NKAIN3: variants seen among roughly 807,000 people sequenced by gnomAD.
NKAIN3 encodes sodium/potassium-transporting ATPase subunit beta-1-interacting protein 3.
NKAIN3 carries 25 observed loss-of-function variants against 30.2 expected under a neutral mutation model. The observed-to-expected ratio is 0.83, with a 90% CI of 0.60 to 1.16. NKAIN3 has a LOEUF of 1.16. Ranked by LOEUF, NKAIN3 falls within the 50% of genes most tolerant of loss-of-function variation. The pLI, the probability that NKAIN3 is intolerant of heterozygous loss-of-function variation, is 0.00. For synonymous variants in NKAIN3, 91 were observed against 89.6 expected, an observed-to-expected ratio of 1.02 and a Z score of -0.09; for missense variants, 225 against 254.1, an observed-to-expected ratio of 0.89 and a Z score of 0.78.
intron 4 of NKAIN3, among the ~76,000 whole-genome samples, chr8:62,761,722 G>C (rs1260437826): frequency 6.6e-6 from 1 of 152,168 alleles, no homozygotes; most frequent in Non-Finnish European, 1.5e-5. Flanking sequence ...TCTTCTATTA[G>C]AATATTGTCA....
At chr8:62,989,718 T>C (rs569698816), downstream of NKAIN3, among the ~76,000 whole-genome samples, 1 of 152,224 alleles carries the variant, frequency 6.6e-6, no homozygotes, top group African/African-American at 2.4e-5. Flanking sequence ...AAAAGAAAAA[T>C]ATGTATATAT....
chr8:62,898,842 G>T (rs56040503), intron 4 of NKAIN3, among the ~76,000 whole-genome samples: 117,278 of 151,588 alleles, frequency 0.77, 46,222 homozygotes, highest in East Asian at 0.98. Flanking sequence ...CTGTCAAGGG[G>T]TACTAACTAG....
At chr8:62,570,376 A>C (rs187140005) in intron 1 of NKAIN3, among the ~76,000 whole-genome samples, 2 of 152,302 alleles carry the variant, frequency 1.3e-5, no homozygotes, top group African/African-American at 4.8e-5. Context: ...ATATGGGTGT[A>C]TTAATCCGTT....
At chr8:62,394,288 T>A (rs1394660792) in intron 1 of NKAIN3, among the ~76,000 whole-genome samples, 1 of 152,154 alleles carries the variant, frequency 6.6e-6, no homozygotes, top group Non-Finnish European at 1.5e-5. Flanking sequence ...TTGTTAAATG[T>A]TTTTTCTTCC....
intron 1 of NKAIN3, among the ~76,000 whole-genome samples, chr8:62,449,745 T>C (rs1805585689): frequency 6.6e-6 from 1 of 152,120 alleles, no homozygotes; most frequent in African/African-American, 2.4e-5. Flanking sequence ...TACTTGTTGA[T>C]GAGTTTTTGT....
intron 1 of NKAIN3, among the ~76,000 whole-genome samples, chr8:62,447,782 G>A (rs568302679): frequency 2.2e-4 from 34 of 151,940 alleles, no homozygotes; most frequent in Admixed American, 1.2e-3. Flanking sequence ...AAAGTCTAGG[G>A]GGACACTGAT....
chr8:62,929,613 T>C (rs923686622), intron 5 of NKAIN3, among the ~76,000 whole-genome samples: 1 of 152,218 alleles, frequency 6.6e-6, no homozygotes, highest in Admixed American at 6.5e-5. Context: ...TTGTACATTT[T>C]CATGAGGGAG....
intron 1 of NKAIN3, among the ~76,000 whole-genome samples, chr8:62,575,644 C>G (rs1474630216): frequency 6.6e-6 from 1 of 151,950 alleles, no homozygotes; most frequent in Non-Finnish European, 1.5e-5. Context: ...CACAAAACAC[C>G]CAGAATATCC....
In NKAIN3 at chr8:62,976,939, T is replaced by C. The variant is rs1773752392; in HGVS notation, c.*11532T>C. Among the ~76,000 whole-genome samples, 2 of 152,338 alleles carry C rather than the reference T, an allele frequency of 1.3e-5. No homozygotes were observed. Among genetic ancestry groups the C allele is most frequent in the South Asian group, 4.1e-4 (2 of 4,832 alleles). On this transcript the variant is annotated 3_prime_UTR_variant, in exon 7 of 7. Coordinates refer to ENST00000623646, the MANE Select transcript of NKAIN3 (RefSeq NM_001304533.3). Reference sequence around the variant, plus strand: ...AAGGATTTTATTTCTCCTTCACTTGTGAAGCTCAGTTTGGCTGGATATGAA... The same window carrying C: ...AAGGATTTTATTTCTCCTTCACTTGCGAAGCTCAGTTTGGCTGGATATGAA...
intron 1 of NKAIN3, among the ~76,000 whole-genome samples, chr8:62,360,260 G>A (rs1816509224): frequency 6.6e-6 from 1 of 152,170 alleles, no homozygotes; most frequent in African/African-American, 2.4e-5. Flanking sequence ...TACTGATTGA[G>A]ACTCCTAAGA....
chr8:62,624,879 A>T (rs925673356), intron 3 of NKAIN3, among the ~76,000 whole-genome samples: 1 of 150,956 alleles, frequency 6.6e-6, no homozygotes, highest in African/African-American at 2.4e-5. Context: ...TCTCATCAGT[A>T]TCCAGTCTAC....
chr8:62,863,185 A>G, intron 4 of NKAIN3: 1 of 1,534,678 alleles, frequency 6.5e-7, no homozygotes, highest in Non-Finnish European at 8.9e-7. Flanking sequence ...CAATTCTTCT[A>G]TCTCCTGCAG....
intron 1 of NKAIN3, among the ~76,000 whole-genome samples, chr8:62,556,884 A>T (rs1028830197): frequency 1.3e-5 from 2 of 152,080 alleles, no homozygotes; most frequent in African/African-American, 4.8e-5. Context: ...AACTAAAGTG[A>T]AAGTATGTAA....
At chr8:62,996,541 C>T (rs973444307) in intron 5 of NKAIN3, among the ~76,000 whole-genome samples, 2 of 152,182 alleles carry the variant, frequency 1.3e-5, no homozygotes, top group African/African-American at 4.8e-5. Flanking sequence ...CCAACAGTCC[C>T]CCAAAGTCTT....
intron 5 of NKAIN3, among the ~76,000 whole-genome samples, chr8:62,919,623 C>T (rs192693174): frequency 6.6e-6 from 1 of 152,254 alleles, no homozygotes; most frequent in East Asian, 1.9e-4. Flanking sequence ...AGAAATCACA[C>T]CTAACCAAAC....
intron 1 of NKAIN3, among the ~76,000 whole-genome samples, chr8:62,337,424 G>T (rs2129590576): frequency 6.6e-6 from 1 of 151,874 alleles, no homozygotes; most frequent in South Asian, 2.1e-4. Flanking sequence ...GCAATTTTCT[G>T]GAGCATAGGA....
intron 3 of NKAIN3, among the ~76,000 whole-genome samples, chr8:62,734,826 A>G (rs1477592803): frequency 2.0e-5 from 3 of 152,176 alleles, no homozygotes; most frequent in Admixed American, 6.5e-5. Context: ...CTGAAAGCCA[A>G]TTTGCTAAAA....
rs145854887 is a variant in NKAIN3 at position 62,946,342 on chromosome 8, A to G, written c.533-7560A>G. On this transcript the variant is annotated intron_variant, in intron 5 of 6. Coordinates refer to ENST00000623646, the MANE Select transcript of NKAIN3 (RefSeq NM_001304533.3). ...CCTTGGTGGCCACTAGGTATGCCATAAGCAGCCCCAACTGTGGCCTGTGTT... is the reference window on the plus strand; with the variant it reads ...CCTTGGTGGCCACTAGGTATGCCATGAGCAGCCCCAACTGTGGCCTGTGTT... 1.4e-3 allele frequency among the ~76,000 whole-genome samples: 212 copies of G among 152,254 alleles called. 1 individual carries two copies. Among genetic ancestry groups the G allele is most frequent in the Non-Finnish European group, 1.3e-3 (88 of 68,024 alleles).
chr8:62,937,126 A>G (rs1822808791), intron 5 of NKAIN3, among the ~76,000 whole-genome samples: 1 of 152,270 alleles, frequency 6.6e-6, no homozygotes, highest in Non-Finnish European at 1.5e-5. Flanking sequence ...AACCCTTCAC[A>G]TAAAAAACTA....
Sources: gnomAD v4.1 joint callset for allele counts (sites outside exome capture counted in the v4.1 genomes callset) on GRCh38, gnomAD v4.1.1 for gene constraint, MANE v1.5 for transcripts, NCBI Gene and HGNC (gene_info 2026-07-23, HGNC 2026-07-21) for gene names.